The following CNTRL variants were observed in gnomAD, a reference collection of about 807,000 sequenced individuals.
The protein encoded by CNTRL is 110 kDa centrosomal protein.
A neutral mutation model predicts 303.7 loss-of-function variants in CNTRL; 233 were observed. The ratio of observed to expected loss-of-function variants is 0.77; its 90% CI spans 0.69 to 0.86. The LOEUF (loss-of-function observed/expected upper bound fraction) is 0.86, where lower values mean the gene tolerates loss of function less well. Ranked by LOEUF, CNTRL falls within the 40% of genes least tolerant of loss-of-function variation. The pLI is 0.00. For missense variants in CNTRL, 2,524 were observed against 2,650.6 expected (o/e 0.95, Z 1.05); for synonymous variants, 900 against 922.2 (o/e 0.98, Z 0.44).
intron 25 of CNTRL, chr9:121,150,740 G>T: frequency 2.4e-6 from 1 of 418,802 alleles, no homozygotes; most frequent in Non-Finnish European, 4.2e-6. Flanking sequence ...GCCAGCCCCG[G>T]TAACAGCAAA....
chr9:121,123,753 A>G (rs936547741), intron 12 of CNTRL, among the ~76,000 whole-genome samples, 178 bp from the exon 13 acceptor site: 1 of 152,228 alleles, frequency 6.6e-6, no homozygotes, highest in Non-Finnish European at 1.5e-5. Flanking sequence ...TTCCGTATCA[A>G]GTTATCCTGA....
chr9:121,081,467 G>T (rs931555941), intron 2 of CNTRL, among the ~76,000 whole-genome samples: 19 of 152,260 alleles, frequency 1.2e-4, no homozygotes, highest in African/African-American at 4.6e-4. Context: ...TCCCACAAGA[G>T]TGCCACCAAC....
intron 10 of CNTRL, among the ~76,000 whole-genome samples, 171 bp downstream of exon 10, chr9:121,113,895 T>C (rs2049863971): frequency 6.6e-6 from 1 of 152,170 alleles, no homozygotes; most frequent in Non-Finnish European, 1.5e-5. Context: ...ATTTATTTTG[T>C]AATGATTCCT....
Position 121,125,790 on chromosome 9 carries a change from A to G in CNTRL, c.1879A>G (p.Thr627Ala). 1.2e-6 allele frequency: 2 copies of G among 1,614,208 alleles called. No homozygotes were observed. Among genetic ancestry groups the G allele is most frequent in the Non-Finnish European group, 1.7e-6 (2 of 1,180,026 alleles). Residue 627 changes from threonine to alanine, a missense_variant, in exon 14 of 44, where the codon ACC becomes GCC. Thr to Ala is a moderately conservative substitution (Grantham distance 58). Coordinates refer to ENST00000373855, the MANE Select transcript of CNTRL (RefSeq NM_007018.6). Reference sequence around the variant, plus strand: ...CAGTGGGTTGCAAGAATACCTGGGGACCATTAAAGGCCAGGCAACTCAGGC... The same window carrying G: ...CAGTGGGTTGCAAGAATACCTGGGGGCCATTAAAGGCCAGGCAACTCAGGC... ...VISGLQEYLG[T>A]IKGQATQAQN...
At chr9:121,107,371 TTA>T (rs2049526431) in intron 7 of CNTRL, among the ~76,000 whole-genome samples, 1 of 152,166 alleles carries the variant, frequency 6.6e-6, no homozygotes, top group Non-Finnish European at 1.5e-5. Context: ...ATGAAGAACT[TTA>T]TCAGCTTTTC....
chr9:121,077,314 T>G (rs1006823255), intron 1 of CNTRL, among the ~76,000 whole-genome samples: 4 of 151,884 alleles, frequency 2.6e-5, no homozygotes, highest in Admixed American at 1.3e-4. Context: ...GCTTGCTTGG[T>G]CTTTGTTCAT....
Position 121,157,913 on chromosome 9 carries a change from T to A in CNTRL, c.4637+33T>A, listed in dbSNP as rs779417638. ...AGGCCTCTGTAGGGCTACAAGGGGT[T>A]TGTGCTGGAAGACAGCTCTGGGGTT... is the stretch of plus-strand genomic sequence containing the variant. On this transcript the variant is annotated intron_variant, in intron 29 of 43. Coordinates refer to ENST00000373855, the MANE Select transcript of CNTRL (RefSeq NM_007018.6). 33 of 1,613,596 alleles carry A rather than the reference T, an allele frequency of 2.0e-5. No homozygotes were observed. In the East Asian group the frequency reaches 6.7e-4, roughly 33 times the overall value.
At chr9:121,104,485 C>T (rs575054671) in intron 7 of CNTRL, among the ~76,000 whole-genome samples, 9 of 151,560 alleles carry the variant, frequency 5.9e-5, no homozygotes, top group East Asian at 1.9e-4. Flanking sequence ...GTAACCTGCA[C>T]GTTGTGCACA....
At position 121,141,455 on chromosome 9, in the gene CNTRL, G is replaced by A. The variant is rs774336925; in HGVS notation, c.2558G>A (p.Arg853His). ...AAACAATTCAGTGAAATTCTTGCACGCTCCAAGTGGGAAAGAGATGAAGCA... is the reference window on the plus strand; with the variant it reads ...AAACAATTCAGTGAAATTCTTGCACACTCCAAGTGGGAAAGAGATGAAGCA... The part of the protein sequence containing the change: ...LQKQFSEILA[R>H]SKWERDEAQV... Residue 853 changes from arginine (R) to histidine (H), a missense_variant, in exon 18 of 44, where the codon CGC (arginine) becomes CAC (histidine). Transcript: ENST00000373855. The A allele has an allele frequency of 3.1e-6, 5 of 1,613,956 alleles. No homozygotes were observed. Among genetic ancestry groups the A allele is most frequent in the Admixed American group, 3.3e-5 (2 of 60,012 alleles).
At chr9:121,151,198 A>G (rs1002997742) in intron 25 of CNTRL, among the ~76,000 whole-genome samples, 2 of 151,876 alleles carry the variant, frequency 1.3e-5, no homozygotes, top group African/African-American at 4.8e-5. Context: ...TGTTTTTCCT[A>G]CTTAATGTTA....
intron 24 of CNTRL, 129 bp downstream of exon 24, chr9:121,148,990 C>G (rs1001406837): frequency 6.3e-6 from 5 of 795,166 alleles, no homozygotes; most frequent in Middle Eastern, 3.8e-4. Flanking sequence ...GTGATCTGGT[C>G]TTGGCCAGCG....
chr9:121,130,046 T>C (rs1268932115), intron 14 of CNTRL, among the ~76,000 whole-genome samples: 2 of 152,260 alleles, frequency 1.3e-5, no homozygotes, highest in African/African-American at 4.8e-5. Context: ...CAGTATTTTA[T>C]TGAGGATTTT....
chr9:121,079,572 A>G lies in CNTRL; in HGVS notation c.-204-734A>G, dbSNP rs112693003. Among the ~76,000 whole-genome samples the G allele has an allele frequency of 8.5e-4, 130 of 152,208 alleles. 1 individual carries two copies. Among genetic ancestry groups the G allele is most frequent in the African/African-American group, 2.1e-3 (88 of 41,526 alleles). On this transcript the variant is annotated intron_variant, in intron 1 of 43. Transcript: ENST00000373855. The stretch of plus-strand genomic sequence containing the variant: ...ATGCTTGCTATCAAAAGTGTCTTGG[A>G]TTTTGGATTTTTTCGGATTTTGGAA...
rs369941791 is a variant in CNTRL at position 121,173,432 on chromosome 9, T to G, written c.6607T>G (p.Leu2203Val). 6.2e-7 allele frequency: 1 copy of G among 1,614,010 alleles called. No homozygotes were observed. Among genetic ancestry groups the G allele is most frequent in the Non-Finnish European group, 8.5e-7 (1 of 1,180,022 alleles). The change falls in exon 41 of 44, where the codon TTG becomes GTG. Residue 2203 changes from leucine (L) to valine (V), a missense_variant. Transcript: ENST00000373855. ...NENLEGELES[L>V]KENLPFTMNE... The stretch of plus-strand genomic sequence containing the variant: ...AAACCTAGAAGGAGAATTGGAAAGC[T>G]TGAAAGAGAACCTTCCATTTACCAT...
chr9:121,157,450 A>C lies in CNTRL; in HGVS notation c.4366-20A>C, dbSNP rs755970306. The C allele has an allele frequency of 9.3e-6, 15 of 1,610,218 alleles. 1 individual carries two copies. In the African/African-American group the frequency reaches 2.0e-4, roughly 22 times the overall value. On this transcript the variant is annotated intron_variant, in intron 27 of 43. Transcript: ENST00000373855. The stretch of plus-strand genomic sequence containing the variant: ...TGAGTATTGTAACTGAATGGCTTTT[A>C]ATGACAGTTTCTTTTCTAGACAAAA...
chr9:121,129,775 C>T (rs59351263), intron 14 of CNTRL, among the ~76,000 whole-genome samples: 385 of 152,246 alleles, frequency 2.5e-3, no homozygotes, highest in African/African-American at 9.0e-3. Flanking sequence ...GTGGGTTTGT[C>T]ATAAATAGCT....
At chr9:121,123,251 G>T (rs778168230) in intron 12 of CNTRL, among the ~76,000 whole-genome samples, 6 of 151,978 alleles carry the variant, frequency 3.9e-5, no homozygotes, top group Non-Finnish European at 8.8e-5. Context: ...ATAGATATAT[G>T]CCATAACCAA....
intron 26 of CNTRL, among the ~76,000 whole-genome samples, chr9:121,153,958 G>C (rs1357430097): frequency 6.6e-6 from 1 of 152,176 alleles, no homozygotes; most frequent in Non-Finnish European, 1.5e-5. Flanking sequence ...ATACACATTG[G>C]GGAATGGAAT....
intron 4 of CNTRL, among the ~76,000 whole-genome samples, chr9:121,094,184 T>C (rs2048790263): frequency 6.8e-6 from 1 of 146,566 alleles, no homozygotes; most frequent in Non-Finnish European, 1.5e-5. Context: ...CATTTTCTGC[T>C]GCTGTAACAG....
Sources: gnomAD v4.1 joint callset for allele counts (sites outside exome capture counted in the v4.1 genomes callset) on GRCh38, gnomAD v4.1.1 for gene constraint, MANE v1.5 for transcripts, NCBI Gene and HGNC (gene_info 2026-07-23, HGNC 2026-07-21) for gene names.